Variants in TPH2 observed in about 807,000 individuals in gnomAD.
The protein encoded by TPH2 is tryptophan 5-hydroxylase 2.
Under a neutral mutation model 59.1 loss-of-function variants are expected in TPH2, and 27 were observed. The observed-to-expected ratio is 0.46, with a 90% confidence interval of 0.34 to 0.63. The LOEUF is 0.63. TPH2 is among the 30% of genes least tolerant of loss of function. TPH2 has a pLI of 0.01. For synonymous variants in TPH2, 220 were observed against 210.5 expected, an observed-to-expected ratio of 1.05 and a Z score of -0.39; for missense variants, 523 against 588.3, an observed-to-expected ratio of 0.89 and a Z score of 1.15.
chr12:71,959,879 T>C (rs969140305), intron 5 of TPH2, among the ~76,000 whole-genome samples: 1 of 152,200 alleles, frequency 6.6e-6, no homozygotes. Flanking sequence ...TGATGAATTG[T>C]AGGCTCTACT....
intron 8 of TPH2, among the ~76,000 whole-genome samples, chr12:71,995,884 T>A (rs1424361534): frequency 6.6e-6 from 1 of 152,250 alleles, no homozygotes; most frequent in Non-Finnish European, 1.5e-5. Flanking sequence ...GAAAATATAT[T>A]TGTAGACTGA....
chr12:71,953,856 CA>C (rs1237466133), intron 5 of TPH2, among the ~76,000 whole-genome samples: 4 of 152,074 alleles, frequency 2.6e-5, no homozygotes, highest in Non-Finnish European at 5.9e-5. Flanking sequence ...AGAAGTCAAA[CA>C]TGTGGTCAGA....
chr12:71,946,104 A>G (rs1871191144), intron 4 of TPH2, among the ~76,000 whole-genome samples: 1 of 152,156 alleles, frequency 6.6e-6, no homozygotes, highest in Non-Finnish European at 1.5e-5. Flanking sequence ...GACCTTGGCC[A>G]AGTCCCTTTA....
chr12:71,994,943 C>T (rs1469231671), intron 8 of TPH2, among the ~76,000 whole-genome samples: 3 of 150,312 alleles, frequency 2.0e-5, no homozygotes, highest in African/African-American at 7.3e-5. Flanking sequence ...TTTATAAAAG[C>T]TGGTGGTGGG....
chr12:72,020,402 TAGAA>T (rs1256391806), intron 8 of TPH2, among the ~76,000 whole-genome samples: 3 of 152,192 alleles, frequency 2.0e-5, no homozygotes, highest in African/African-American at 7.2e-5. Context: ...AAGTGTTTCA[TAGAA>T]AGAATGAAAA....
chr12:72,031,843 T>C lies in TPH2; in HGVS notation c.*148T>C. ...ATCTATACCATCTTGTAACTCACTG[T>C]GTTAGTATATAAAGCACCATAAGAA... On this transcript the variant is annotated 3_prime_UTR_variant, in exon 11 of 11. Coordinates refer to ENST00000333850, the MANE Select transcript of TPH2 (RefSeq NM_173353.4). 2.3e-6 allele frequency: 2 copies of C among 878,106 alleles called. No individual in the cohort carries two copies. Among genetic ancestry groups the C allele is most frequent in the East Asian group, 2.5e-5 (1 of 39,218 alleles). The allele number at this position is 878,106 out of a possible 1,614,324, so 54.4% of individuals were successfully genotyped here.
rs139730302 is a variant in TPH2, at chr12:71,959,221, T to C, written c.608+9566T>C. On this transcript the variant is annotated intron_variant, in intron 5 of 10. Transcript: ENST00000333850. ...GAATGGATGTACCTTGGAATGAACA[T>C]ATTGGATTTCCAAGCCAGCATCTCA... is the stretch of plus-strand genomic sequence containing the variant. Among the ~76,000 whole-genome samples the C allele has an allele frequency of 2.0e-3, 312 of 152,266 alleles. 2 individuals carry two copies. Among genetic ancestry groups the C allele is most frequent in the African/African-American group, 6.2e-3 (258 of 41,542 alleles).
In TPH2 at chr12:72,031,696, T is replaced by C. The variant is rs187150827; in HGVS notation, c.*1T>C. The C allele has an allele frequency of 5.0e-6, 8 of 1,613,372 alleles. No homozygotes were observed. The highest frequency in any genetic ancestry group is 3.4e-6 in the Non-Finnish European group (4 of 1,179,350). ...AATGAACCAATATCTGGGGATTTGATGCCTGGAACTATGTTGTTGCCAGCA... is the reference window on the plus strand; with the variant it reads ...AATGAACCAATATCTGGGGATTTGACGCCTGGAACTATGTTGTTGCCAGCA... On this transcript the variant is annotated 3_prime_UTR_variant, in exon 11 of 11. Transcript: ENST00000333850.
intron 8 of TPH2, among the ~76,000 whole-genome samples, chr12:72,001,882 G>C (rs565448770): frequency 2.0e-5 from 3 of 152,052 alleles, no homozygotes; most frequent in Middle Eastern, 3.4e-3. Context: ...GTAAGATGAA[G>C]CTCCATTTTG....
chr12:71,961,779 G>A, intron 5 of TPH2: 1 of 1,298,686 alleles, frequency 7.7e-7, no homozygotes, highest in South Asian at 1.2e-5. Flanking sequence ...ATAGTGGGAA[G>A]CCCTATCCTG....
At chr12:71,942,989 C>T (rs4565946) in intron 2 of TPH2, among the ~76,000 whole-genome samples, 52,601 of 151,934 alleles carry the variant, frequency 0.35, 10,539 homozygotes, top group Middle Eastern at 0.46. Flanking sequence ...AGTCACGGGG[C>T]CTTAGCTAAG....
Position 72,022,457 on chromosome 12 carries a change from AT to A in TPH2, c.1128del (p.Tyr376Ter). On this transcript the variant is annotated frameshift_variant, in exon 9 of 11. Coordinates refer to ENST00000333850, the MANE Select transcript of TPH2 (RefSeq NM_173353.4). LOFTEE classifies it high-confidence loss of function. The part of the protein sequence containing the change: ...LCKQEGQLRA[Y>X]GAGLLSSIGE... ...AAGCAAGAAGGGCAACTGCGGGCAT[AT>A]GGAGCAGGACTCCTTTCCTCCATTG... The A allele has an allele frequency of 6.2e-7, 1 of 1,614,046 alleles. No individual in the cohort carries two copies. The highest frequency in any genetic ancestry group is 8.5e-7 in the Non-Finnish European group (1 of 1,179,892).
At chr12:71,971,275 G>C (rs992981438) in intron 5 of TPH2, among the ~76,000 whole-genome samples, 1 of 152,166 alleles carries the variant, frequency 6.6e-6, no homozygotes, top group Non-Finnish European at 1.5e-5. Context: ...CTAGTTTTAC[G>C]TGCATATGTT....
rs1490564602 is a variant in TPH2, at chr12:71,970,792, GT to G, written c.609-1725del. On this transcript the variant is annotated intron_variant, in intron 5 of 10. Transcript: ENST00000333850. ...TTTGCCAGGTTGTAATTTTTTATTT[GT>G]TATCAACAGCCAAATTTAAACAAGG... Among the ~76,000 whole-genome samples the G allele has an allele frequency of 4.6e-5, 7 of 152,292 alleles. No individual in the cohort carries two copies. The East Asian group carries it at 1.3e-3, about 29-fold the overall frequency.
chr12:71,982,558 A>G (rs7954332), intron 7 of TPH2, among the ~76,000 whole-genome samples: 128,876 of 152,210 alleles, frequency 0.85, 54,666 homozygotes, highest in East Asian at 0.96. Context: ...CAGCCACATA[A>G]TTTGAATCTA....
At chr12:71,965,851 A>G (rs1438595201) in intron 5 of TPH2, among the ~76,000 whole-genome samples, 1 of 152,068 alleles carries the variant, frequency 6.6e-6, no homozygotes, top group Non-Finnish European at 1.5e-5. Context: ...TTTTGTTGCA[A>G]TTGCTTTTGG....
chr12:72,000,478 G>C (rs932373689), intron 8 of TPH2, among the ~76,000 whole-genome samples: 13 of 152,182 alleles, frequency 8.5e-5, no homozygotes. Flanking sequence ...AGTGGGTCTA[G>C]AGTGAGGCCT....
intron 8 of TPH2, among the ~76,000 whole-genome samples, chr12:72,010,220 G>A (rs1566161086): frequency 6.6e-6 from 1 of 152,242 alleles, no homozygotes; most frequent in East Asian, 1.9e-4. Flanking sequence ...CTGCCTCTCA[G>A]GGTTGTTGTG....
Position 72,022,416 on chromosome 12 carries a change from C to G in TPH2, c.1086C>G (p.Ile362Met). The G allele has an allele frequency of 6.2e-7, 1 of 1,613,830 alleles. No homozygotes were observed. The highest frequency in any genetic ancestry group is 8.5e-7 in the Non-Finnish European group (1 of 1,179,764). ...TTCTTCAGTGCTATTTCTTCACAAT[C>G]GAGTTTGGCCTTTGCAAGCAAGAAG... ...QKLATCYFFT[I>M]EFGLCKQEGQ... The change falls in exon 9 of 11, where the codon ATC (isoleucine) becomes ATG (methionine). Residue 362 changes from isoleucine (I) to methionine (M), a missense_variant. By Grantham distance (10) the Ile-to-Met change is conservative. Coordinates refer to ENST00000333850, the MANE Select transcript of TPH2 (RefSeq NM_173353.4).
Sources: allele counts gnomAD v4.1 joint callset (sites outside exome capture counted in the v4.1 genomes callset), GRCh38; gene constraint gnomAD v4.1.1; transcripts MANE v1.5; gene names NCBI Gene and HGNC (gene_info 2026-07-23, HGNC 2026-07-21).